Variants in LGR5 observed in about 807,000 individuals in gnomAD.
The protein encoded by LGR5 is leucine-rich repeat-containing G protein-coupled receptor 5.
A neutral mutation model predicts 76.7 loss-of-function variants in LGR5; 54 were observed. The observed-to-expected ratio is 0.70, with a 90% CI of 0.57 to 0.88. The LOEUF is 0.88. Ranked by LOEUF, LGR5 falls within the 40% of genes least tolerant of loss-of-function variation. The pLI is 0.00. For synonymous variants in LGR5, 406 were observed against 421.9 expected, an observed-to-expected ratio of 0.96 and a Z score of 0.46; for missense variants, 1,078 against 1,073.3, an observed-to-expected ratio of 1.00 and a Z score of -0.06.
intron 1 of LGR5, among the ~76,000 whole-genome samples, chr12:71,476,334 C>T (rs1006279065): frequency 6.6e-6 from 1 of 152,190 alleles, no homozygotes. Flanking sequence ...GGCATACAAA[C>T]TTCTAAGTGA....
intron 6 of LGR5, among the ~76,000 whole-genome samples, chr12:71,557,909 G>C (rs1221994310): frequency 6.6e-6 from 1 of 152,194 alleles, no homozygotes; most frequent in Non-Finnish European, 1.5e-5. Flanking sequence ...CACTTCTCCT[G>C]TGCCCTTGGG....
intron 2 of LGR5, among the ~76,000 whole-genome samples, chr12:71,506,640 C>A (rs1316169380): frequency 1.3e-5 from 2 of 152,122 alleles, no homozygotes; most frequent in Non-Finnish European, 2.9e-5. Flanking sequence ...ATAGAGGAGA[C>A]CCTTTAAAGA....
chr12:71,572,476 T>A (rs1355590236), intron 12 of LGR5, among the ~76,000 whole-genome samples: 1 of 152,068 alleles, frequency 6.6e-6, no homozygotes, highest in Non-Finnish European at 1.5e-5. Flanking sequence ...TGCCTTTGGG[T>A]GCTTAAGGGA....
At chr12:71,504,141 G>T (rs372930581) in intron 1 of LGR5, among the ~76,000 whole-genome samples, 258 of 150,994 alleles carry the variant, frequency 1.7e-3, no homozygotes, top group African/African-American at 5.9e-3. Context: ...TTTTGTTGTT[G>T]TTGTTGTTTT....
intron 14 of LGR5, among the ~76,000 whole-genome samples, chr12:71,578,360 A>G (rs923110357): frequency 3.9e-5 from 6 of 152,110 alleles, no homozygotes; most frequent in South Asian, 2.1e-4. Flanking sequence ...CCCCACGCCA[A>G]CTTCCCACCT....
At chr12:71,556,755 A>G in intron 6 of LGR5, 65 bp downstream of exon 6, 1 of 1,272,642 alleles carries the variant, frequency 7.9e-7, no homozygotes, top group Non-Finnish European at 1.1e-6. Flanking sequence ...AAGAATCAAA[A>G]TAGCCTTAAA....
At chr12:71,519,855 AAAT>A (rs1216961469) in intron 2 of LGR5, among the ~76,000 whole-genome samples, 4 of 150,666 alleles carry the variant, frequency 2.7e-5, no homozygotes, top group African/African-American at 7.3e-5. Context: ...TAAATATAAA[AAAT>A]AATAATAATA....
Position 71,440,076 on chromosome 12 carries a change from G to T in LGR5, c.-5G>T. On this transcript the variant is annotated 5_prime_UTR_variant, in exon 1 of 18. Coordinates refer to ENST00000266674, the MANE Select transcript of LGR5 (RefSeq NM_003667.4). The surrounding 1 kb of genome is among the most constrained non-coding windows in gnomAD (Gnocchi z 5.3). ...TCCGGCTCGTGGCCCCCTACTTCGG[G>T]CACCATGGACACCTCCCGGCTCGGT... is the stretch of plus-strand genomic sequence containing the variant. 1 of 1,600,974 alleles carries T rather than the reference G, an allele frequency of 6.2e-7. No individual in the cohort carries two copies.
intron 1 of LGR5, among the ~76,000 whole-genome samples, chr12:71,470,604 T>A (rs1873056025): frequency 6.6e-6 from 1 of 152,252 alleles, no homozygotes; most frequent in Non-Finnish European, 1.5e-5. Flanking sequence ...TAGAATCATA[T>A]TTAAGTTACT....
intron 3 of LGR5, among the ~76,000 whole-genome samples, chr12:71,530,717 C>A (rs2137356926): frequency 6.6e-6 from 1 of 152,276 alleles, no homozygotes; most frequent in Non-Finnish European, 1.5e-5. Context: ...GCCATTCCAT[C>A]AAAGAATGGC....
intron 1 of LGR5, among the ~76,000 whole-genome samples, chr12:71,491,963 C>A (rs1874095311): frequency 6.6e-6 from 1 of 151,812 alleles, no homozygotes; most frequent in Non-Finnish European, 1.5e-5. Flanking sequence ...GTGACTAGTA[C>A]AAGTAATTAC....
intron 1 of LGR5, among the ~76,000 whole-genome samples, chr12:71,448,005 A>G (rs1872083382): frequency 6.6e-6 from 1 of 151,958 alleles, no homozygotes; most frequent in African/African-American, 2.4e-5. Context: ...CTAGAAGCCA[A>G]GTGTTTCAAA....
chr12:71,465,135 G>A (rs1253859016), intron 1 of LGR5, among the ~76,000 whole-genome samples: 1 of 152,064 alleles, frequency 6.6e-6, no homozygotes, highest in Non-Finnish European at 1.5e-5. Flanking sequence ...CTCTTTAATC[G>A]TTCACCAAGG....
At chr12:71,545,387 G>A (rs1422055745) in intron 4 of LGR5, among the ~76,000 whole-genome samples, 1 of 152,142 alleles carries the variant, frequency 6.6e-6, no homozygotes, top group Non-Finnish European at 1.5e-5. Flanking sequence ...CAAGAGCAGA[G>A]GTTGCAGTGA....
intron 4 of LGR5, 60 bp downstream of exon 4, chr12:71,535,246 T>C: frequency 1.7e-6 from 2 of 1,147,284 alleles, no homozygotes; most frequent in South Asian, 2.5e-5. Flanking sequence ...AGCATTGAAA[T>C]GTTCAGTTGA....
In LGR5 at chr12:71,565,422, C is replaced by CTATATA. The variant is rs1209363296; in HGVS notation, c.858-965_858-960dup. 4.1e-3 allele frequency among the ~76,000 whole-genome samples: 57 copies of CTATATA among 13,980 alleles called. 1 individual carries two copies. Among genetic ancestry groups the CTATATA allele is most frequent in the African/African-American group, 5.1e-3 (55 of 10,860 alleles). 9.2% of individuals were successfully genotyped at this position (13,980 alleles called of 152,430 possible). On this transcript the variant is annotated intron_variant, in intron 8 of 17. Coordinates refer to ENST00000266674, the MANE Select transcript of LGR5 (RefSeq NM_003667.4). ...AAAGTTGTTGCATGGATCAATTGAGCTATATATATATATATATATATAGCT... is the reference window on the plus strand; with the variant it reads ...AAAGTTGTTGCATGGATCAATTGAGCTATATATATATATATATATATATATATAGCT...
chr12:71,520,145 A>C (rs567549886), intron 2 of LGR5, among the ~76,000 whole-genome samples: 45 of 152,300 alleles, frequency 3.0e-4, no homozygotes, highest in Middle Eastern at 6.8e-3. Context: ...AGATGGAAAA[A>C]CACAACTTTC....
chr12:71,543,719 G>A (rs1025774659), intron 4 of LGR5, among the ~76,000 whole-genome samples: 1 of 152,222 alleles, frequency 6.6e-6, no homozygotes, highest in Non-Finnish European at 1.5e-5. Flanking sequence ...GAGATCAAAG[G>A]CAAAAGGACC....
intron 4 of LGR5, 106 bp downstream of exon 4, chr12:71,535,292 T>A: frequency 1.3e-6 from 1 of 741,334 alleles, no homozygotes; most frequent in Non-Finnish European, 2.3e-6. Context: ...GAGTCATACC[T>A]AAATGTATTG....
Sources: allele counts gnomAD v4.1 joint callset (sites outside exome capture counted in the v4.1 genomes callset), GRCh38; gene constraint gnomAD v4.1.1; non-coding constraint Gnocchi (gnomAD v3.1); transcripts MANE v1.5; gene names NCBI Gene and HGNC (gene_info 2026-07-23, HGNC 2026-07-21).